The following ZNF91 variants were observed in gnomAD, a reference collection of about 807,000 sequenced individuals.
ZNF91 encodes zinc finger protein 91 (HPF7, HTF10).
A neutral mutation model predicts 12.6 loss-of-function variants in ZNF91; 7 were observed. The ratio of observed to expected loss-of-function variants is 0.55; its 90% confidence interval spans 0.31 to 1.04. The LOEUF (loss-of-function observed/expected upper bound fraction) is 1.04, where lower values mean the gene tolerates loss of function less well. Among genes scored for constraint, ZNF91 ranks in the 50% least tolerant of loss-of-function variants. ZNF91 has a pLI of 0.05. For missense variants in ZNF91, 1,217 were observed against 1,385.4 expected (o/e 0.88, Z 1.93); for synonymous variants, 453 against 462.6 (o/e 0.98, Z 0.27).
At chr19:23,381,986 A>G (rs1194022257) in intron 1 of ZNF91, among the ~76,000 whole-genome samples, 1 of 151,802 alleles carries the variant, frequency 6.6e-6, no homozygotes, top group African/African-American at 2.4e-5. Flanking sequence ...TGTAAGAACA[A>G]TCTTTTGCCA....
intron 3 of ZNF91, among the ~76,000 whole-genome samples, chr19:23,343,998 T>G (rs1227072182): frequency 1.3e-5 from 2 of 152,146 alleles, no homozygotes; most frequent in Admixed American, 6.5e-5. Flanking sequence ...GCTAACCAAG[T>G]GAATAAAATG....
At chr19:23,318,468 C>T (rs1029426949) in intron 1 of ZNF91, among the ~76,000 whole-genome samples, 4 of 152,130 alleles carry the variant, frequency 2.6e-5, no homozygotes, top group Non-Finnish European at 4.4e-5. Context: ...CTGGACCCAA[C>T]GGTAAGGTGA....
chr19:23,389,061 C>T (rs945857981), intron 1 of ZNF91, among the ~76,000 whole-genome samples: 1 of 151,896 alleles, frequency 6.6e-6, no homozygotes, highest in African/African-American at 2.4e-5. Context: ...ATACTTAGTA[C>T]CTTAGTTACA....
In ZNF91 at chr19:23,361,385, T is replaced by C. The variant is rs1362376188; in HGVS notation, c.1594A>G (p.Thr532Ala). ...ECGKAFRQSL[T>A]LNKHKIIHSR... ...TGAATTATCTTATGTTTATTAAGGGTTAAGGATTGTCTAAAAGCTTTGCCA... is the reference window on the plus strand; with the variant it reads ...TGAATTATCTTATGTTTATTAAGGGCTAAGGATTGTCTAAAAGCTTTGCCA... The change falls in exon 4 of 4, where the codon ACC becomes GCC. Residue 532 changes from threonine (T) to alanine (A), a missense_variant. Physicochemically the swap from Thr to Ala is moderately conservative, Grantham distance 58 (BLOSUM62 0). Coordinates refer to ENST00000300619, the MANE Select transcript of ZNF91 (RefSeq NM_003430.4). The C allele has an allele frequency of 3.1e-6, 5 of 1,613,476 alleles. No homozygotes were observed. The African/African-American group carries it at 5.3e-5, about 17-fold the overall frequency.
chr19:23,369,854 G>A (rs1386556796), intron 3 of ZNF91, among the ~76,000 whole-genome samples: 2 of 150,608 alleles, frequency 1.3e-5, no homozygotes, highest in Admixed American at 6.6e-5. Context: ...AGTACCCAGG[G>A]ACACAAACAC....
intron 1 of ZNF91, chr19:23,385,196 C>T: frequency 1.5e-6 from 1 of 657,996 alleles, no homozygotes; most frequent in Non-Finnish European, 2.7e-6. Flanking sequence ...TCAGAGGAGT[C>T]CCTCTCTGAT....
chr19:23,368,871 TAAAA>T (rs147574853), intron 3 of ZNF91, among the ~76,000 whole-genome samples: 1 of 151,478 alleles, frequency 6.6e-6, no homozygotes, highest in South Asian at 2.1e-4. Flanking sequence ...AAAACACAAA[TAAAA>T]AAACATTTGA....
chr19:23,362,028 A>G lies in ZNF91; in HGVS notation c.951T>C (p.Thr317=), dbSNP rs186858616. 3 of 1,613,902 alleles carry G rather than the reference A, an allele frequency of 1.9e-6. No individual in the cohort carries two copies. The highest frequency in any genetic ancestry group is 1.3e-5 in the African/African-American group (1 of 74,948). The stretch of plus-strand genomic sequence containing the variant: ...CTTCACATTTGTAGGGTTTCTCTCC[A>G]GTATGAATTCTCTTATGTTTAGCAA... ...STLAKHKRIH[T]GEKPYKCEEC... is the part of the protein sequence containing the mutation. The change falls in exon 4 of 4, where the codon ACT becomes ACC. Residue 317 remains threonine, a synonymous_variant. Transcript: ENST00000300619.
chr19:23,333,358 T>C (rs1967956580), intron 1 of ZNF91, among the ~76,000 whole-genome samples: 1 of 152,226 alleles, frequency 6.6e-6, no homozygotes, highest in Non-Finnish European at 1.5e-5. Flanking sequence ...AAAAAGTTCA[T>C]AACGTGATAT....
At chr19:23,347,325 A>G (rs1968257039) in intron 3 of ZNF91, among the ~76,000 whole-genome samples, 1 of 152,186 alleles carries the variant, frequency 6.6e-6, no homozygotes, top group African/African-American at 2.4e-5. Context: ...CACTCCTGTC[A>G]TAAATGACTC....
At chr19:23,339,988 A>G (rs899805321) in intron 3 of ZNF91, 1 of 151,646 alleles carries the variant, frequency 6.6e-6, no homozygotes, top group Admixed American at 6.6e-5. Context: ...AATTTGTGGG[A>G]AAAAAGATGG....
upstream of ZNF91, among the ~76,000 whole-genome samples, chr19:23,314,774 G>A (rs1967525429): frequency 6.6e-6 from 1 of 152,214 alleles, no homozygotes; most frequent in Admixed American, 6.5e-5. Context: ...GGGTCCAGCA[G>A]CAAGGATTAC....
At chr19:23,346,612 T>C (rs1968237790) in intron 3 of ZNF91, among the ~76,000 whole-genome samples, 1 of 152,174 alleles carries the variant, frequency 6.6e-6, no homozygotes, top group Non-Finnish European at 1.5e-5. Flanking sequence ...TTTCTCCCTC[T>C]ATACCGATGA....
At position 23,360,269 on chromosome 19, in the gene ZNF91, G is replaced by A. The variant is rs778007992; in HGVS notation, c.2710C>T (p.His904Tyr). ...SSTLTEHKRI[H>Y]TREKTYKCEE... ...CATTTGTAGGTTTTCTCTCTGGTATGAATTCTCTTATGTTCAGTAAGGGTT... is the reference window on the plus strand; with the variant it reads ...CATTTGTAGGTTTTCTCTCTGGTATAAATTCTCTTATGTTCAGTAAGGGTT... Residue 904 changes from histidine (H) to tyrosine (Y), a missense_variant, in exon 4 of 4, where the codon CAT (histidine) becomes TAT (tyrosine). Transcript: ENST00000300619. 1.2e-6 allele frequency: 2 copies of A among 1,613,862 alleles called. No individual in the cohort carries two copies. Among genetic ancestry groups the A allele is most frequent in the Admixed American group, 1.7e-5 (1 of 60,020 alleles).
intron 1 of ZNF91, chr19:23,309,236 G>A (rs1268522608): frequency 6.6e-6 from 1 of 152,030 alleles, no homozygotes; most frequent in Non-Finnish European, 1.5e-5. Flanking sequence ...TATACTGTAT[G>A]AGAGACTCCT....
At chr19:23,345,455 TA>T (rs1340913231) in intron 3 of ZNF91, among the ~76,000 whole-genome samples, 1 of 152,172 alleles carries the variant, frequency 6.6e-6, no homozygotes, top group Non-Finnish European at 1.5e-5. Flanking sequence ...CTTAATCAAT[TA>T]TTGCTGATGA....
rs867602017 is a variant in ZNF91, at chr19:23,384,243, A to C, written c.31-9479T>G. The stretch of plus-strand genomic sequence containing the variant: ...GCAGAATAGCTCTTTAAACTTACAA[A>C]TAACTTCAGTATAATTTCAGGATAC... On this transcript the variant is annotated intron_variant, in intron 1 of 3. Coordinates refer to ENST00000300619, the MANE Select transcript of ZNF91 (RefSeq NM_003430.4). Among the ~76,000 whole-genome samples the C allele has an allele frequency of 5.3e-5, 8 of 152,188 alleles. No homozygotes were observed. In the South Asian group the frequency reaches 8.3e-4, roughly 16 times the overall value.
intron 3 of ZNF91, among the ~76,000 whole-genome samples, chr19:23,347,382 G>A (rs765545999): frequency 6.6e-6 from 1 of 152,114 alleles, no homozygotes; most frequent in Non-Finnish European, 1.5e-5. Context: ...GAAAGCTACC[G>A]TCATTCATTG....
chr19:23,362,481 A>G lies in ZNF91; in HGVS notation c.498T>C (p.Phe166=). 1 of 1,604,138 alleles carries G rather than the reference A, an allele frequency of 6.2e-7. No homozygotes were observed. The highest frequency in any genetic ancestry group is 8.5e-7 in the Non-Finnish European group (1 of 1,176,736). Reference sequence around the variant, plus strand: ...TTATCGTATGTCTGTTTGAATTTAAAAATTTATAGAAGACTTTCAAATATT... The same window carrying G: ...TTATCGTATGTCTGTTTGAATTTAAGAATTTATAGAAGACTTTCAAATATT... ...CGKYLKVFYK[F]LNSNRHTIRH... The change falls in exon 4 of 4, where the codon TTT becomes TTC. Residue 166 remains phenylalanine (F), a synonymous_variant. Transcript: ENST00000300619.
Sources: gnomAD v4.1 joint callset for allele counts (sites outside exome capture counted in the v4.1 genomes callset) on GRCh38, gnomAD v4.1.1 for gene constraint, MANE v1.5 for transcripts, NCBI Gene and HGNC (gene_info 2026-07-23, HGNC 2026-07-21) for gene names.